ANK2: variants seen among roughly 807,000 people sequenced by gnomAD.
The protein encoded by ANK2 is ankyrin-2.
A neutral mutation model predicts 360.5 loss-of-function variants in ANK2; 83 were observed. That is an observed-to-expected ratio of 0.23 (90% CI 0.19 to 0.28). The LOEUF is 0.28. Ranked by LOEUF, ANK2 falls within the 10% of genes least tolerant of loss-of-function variation. ANK2 has a pLI of 1.00. For missense variants in ANK2, 4,201 were observed against 4,795.7 expected, an observed-to-expected ratio of 0.88 and a Z score of 3.66; for synonymous variants, 1,740 against 1,759.5, an observed-to-expected ratio of 0.99 and a Z score of 0.28.
chr4:112,910,243 T>C (rs2086660362), intron 2 of ANK2, among the ~76,000 whole-genome samples: 1 of 152,204 alleles, frequency 6.6e-6, no homozygotes, highest in Non-Finnish European at 1.5e-5. Context: ...CATTTTGCTT[T>C]CCTCAGCTGG....
chr4:112,746,483 G>C, the ANK2 span, among the ~76,000 whole-genome samples: 1 of 149,250 alleles, frequency 6.7e-6, no homozygotes. Flanking sequence ...ACTCCAGCTT[G>C]GGCAACCGAG....
intron 10 of ANK2, among the ~76,000 whole-genome samples, chr4:113,254,460 A>T (rs986130413): frequency 6.6e-6 from 1 of 152,180 alleles, no homozygotes; most frequent in Non-Finnish European, 1.5e-5. Context: ...ATGAATGTTA[A>T]TTTTTCAAAG....
At chr4:113,238,669 A>G (rs995201042) in intron 7 of ANK2, among the ~76,000 whole-genome samples, 1 of 152,232 alleles carries the variant, frequency 6.6e-6, no homozygotes, top group Admixed American at 6.5e-5. Context: ...ACATTGTGAA[A>G]GCAGAAGTTT....
At position 113,354,350 on chromosome 4, in the gene ANK2, A is replaced by T; in HGVS notation, c.5732A>T (p.Asp1911Val). 6.2e-7 allele frequency: 1 copy of T among 1,614,144 alleles called. No individual in the cohort carries two copies. The highest frequency in any genetic ancestry group is 8.5e-7 in the Non-Finnish European group (1 of 1,179,986). ...CCTGTTTCGCCTTCAGGCAAAACAG[A>T]CAAACGTCCACCTGTATCGCCCTCC... The part of the protein sequence containing the change: ...HPPVSPSGKT[D>V]KRPPVSPSGR... The change falls in exon 38 of 46, where the codon GAC (aspartate) becomes GTC (valine). Residue 1911 changes from aspartate (D) to valine (V), a missense_variant. Coordinates refer to ENST00000357077, the MANE Select transcript of ANK2 (RefSeq NM_001148.6).
chr4:113,202,915 C>A (rs1364747708), intron 4 of ANK2, among the ~76,000 whole-genome samples: 2 of 152,082 alleles, frequency 1.3e-5, no homozygotes, highest in Non-Finnish European at 2.9e-5. Flanking sequence ...CTTTGTTCAA[C>A]AGTGGTATCA....
In ANK2 at chr4:112,858,995, G is replaced by T. The variant is rs571059565; in HGVS notation, c.-40+40731G>T. 4.3e-4 allele frequency among the ~76,000 whole-genome samples: 66 copies of T among 152,328 alleles called. No homozygotes were observed. The South Asian group carries it at 0.01, about 23-fold the overall frequency. On this transcript the variant is annotated intron_variant, in intron 1 of 30. Coordinates refer to the ANK2 transcript ENST00000503271. ...TGTACCTACAAACATTTATTAGCAAGAAATTCAGAAGGATGATAGAACTTG... is the reference window on the plus strand; with the variant it reads ...TGTACCTACAAACATTTATTAGCAATAAATTCAGAAGGATGATAGAACTTG...
At chr4:112,875,799 T>G (rs1263641555) in intron 1 of ANK2, among the ~76,000 whole-genome samples, 2 of 152,014 alleles carry the variant, frequency 1.3e-5, no homozygotes, top group Non-Finnish European at 2.9e-5. Context: ...AGTGCAGTGG[T>G]GTGCTCATAG....
chr4:113,132,939 G>A (rs2096148732), intron 1 of ANK2, among the ~76,000 whole-genome samples: 1 of 152,146 alleles, frequency 6.6e-6, no homozygotes, highest in Non-Finnish European at 1.5e-5. Context: ...CTTCGGAGCT[G>A]TACTATTATT....
the ANK2 span, among the ~76,000 whole-genome samples, chr4:112,795,268 C>G: frequency 6.6e-6 from 1 of 152,274 alleles, no homozygotes; most frequent in South Asian, 2.1e-4. Context: ...TCCAGTTAAA[C>G]TAGATTCCTG....
At chr4:113,101,836 T>C (rs313955) in intron 1 of ANK2, among the ~76,000 whole-genome samples, 42,709 of 151,768 alleles carry the variant, frequency 0.28, 7,133 homozygotes, top group African/African-American at 0.46. Flanking sequence ...TATACTGAAG[T>C]TGAGATTTGA....
rs150517008 is a variant in ANK2, at chr4:112,979,224, C to T, written c.21+74710C>T. Among the ~76,000 whole-genome samples, 929 of 152,252 alleles carry T rather than the reference C, an allele frequency of 6.1e-3. 15 individuals carry two copies. The highest frequency in any genetic ancestry group is 0.021 in the African/African-American group (881 of 41,546). ...GGGGTGTGTGAGTGAGTGTGGGGTC[C>T]GACCACTGCGCAGTCAGGTGTGCCG... On this transcript the variant is annotated intron_variant, in intron 2 of 30. Coordinates refer to the ANK2 transcript ENST00000503271.
chr4:113,082,376 GT>G (rs2082759456), intron 1 of ANK2, among the ~76,000 whole-genome samples: 1 of 145,540 alleles, frequency 6.9e-6, no homozygotes, highest in Non-Finnish European at 1.5e-5. Flanking sequence ...TGGGCACAAG[GT>G]ATCTTCCTGC....
chr4:113,049,704 A>G lies in ANK2; in HGVS notation c.-25A>G, dbSNP rs766477217. The G allele has an allele frequency of 6.3e-7, 1 of 1,596,864 alleles. No individual in the cohort carries two copies. The highest frequency in any genetic ancestry group is 8.5e-7 in the Non-Finnish European group (1 of 1,169,870). Reference sequence around the variant, plus strand: ...CAGGCGGCACGGTTTGATGGCAGAGATATTTTCTTTCCAAACTGTTCAAAA... The same window carrying G: ...CAGGCGGCACGGTTTGATGGCAGAGGTATTTTCTTTCCAAACTGTTCAAAA... On this transcript the variant is annotated 5_prime_UTR_variant, in exon 1 of 46. Transcript: ENST00000357077.
chr4:112,876,097 C>T (rs17672583), intron 1 of ANK2, among the ~76,000 whole-genome samples: 2,775 of 151,734 alleles, frequency 0.018, 92 homozygotes, highest in African/African-American at 0.063. Context: ...AATGTCTTAC[C>T]AACAATTTAA....
chr4:113,130,314 T>TA (rs1305481052), intron 1 of ANK2, among the ~76,000 whole-genome samples: 2 of 152,210 alleles, frequency 1.3e-5, no homozygotes, highest in Non-Finnish European at 2.9e-5. Flanking sequence ...CCAAACTCAG[T>TA]AAAATTTTTT....
chr4:113,184,183 A>T (rs976340069), intron 2 of ANK2, among the ~76,000 whole-genome samples: 1 of 151,594 alleles, frequency 6.6e-6, no homozygotes, highest in African/African-American at 2.4e-5. Context: ...TTTGCTAATG[A>T]CTACACCCAT....
At chr4:112,837,239 C>G (rs1209920834) in intron 1 of ANK2, among the ~76,000 whole-genome samples, 4 of 152,216 alleles carry the variant, frequency 2.6e-5, no homozygotes, top group Non-Finnish European at 4.4e-5. Flanking sequence ...GGTGTAAGCC[C>G]CAAACCTTGG....
At chr4:113,077,865 T>C (rs11721483) in intron 1 of ANK2, among the ~76,000 whole-genome samples, 28,256 of 152,194 alleles carry the variant, frequency 0.19, 3,481 homozygotes, top group Non-Finnish European at 0.28. Context: ...GTATCTTGAA[T>C]GTATGCCTGC....
intron 1 of ANK2, among the ~76,000 whole-genome samples, chr4:113,102,773 A>G (rs1229360495): frequency 6.6e-6 from 1 of 152,264 alleles, no homozygotes; most frequent in Middle Eastern, 3.4e-3. Context: ...GATATTTCCT[A>G]GTATCTTAAT....
Sources: allele counts gnomAD v4.1 joint callset (sites outside exome capture counted in the v4.1 genomes callset), GRCh38; gene constraint gnomAD v4.1.1; transcripts MANE v1.5; gene names NCBI Gene and HGNC (gene_info 2026-07-23, HGNC 2026-07-21).